CWF19L1: variants seen among roughly 807,000 people sequenced by gnomAD.
CWF19L1 encodes the protein CWF19-like protein 1.
CWF19L1 carries 60 observed loss-of-function variants against 69.7 expected under a neutral mutation model. The observed-to-expected ratio is 0.86, with a 90% CI of 0.70 to 1.07. CWF19L1 has a LOEUF of 1.07. CWF19L1 is among the 50% of genes least tolerant of loss of function. CWF19L1 has a pLI of 0.00. For missense variants in CWF19L1, 591 were observed against 638.9 expected (o/e 0.92, Z 0.81); for synonymous variants, 209 against 222.2 (o/e 0.94, Z 0.53).
At chr10:100,244,972 A>G (rs1476875397) in intron 9 of CWF19L1, among the ~76,000 whole-genome samples, 1 of 152,086 alleles carries the variant, frequency 6.6e-6, no homozygotes, top group East Asian at 1.9e-4. Flanking sequence ...AATTCTAGAT[A>G]AAAATTCATA....
chr10:100,241,811 T>TTA (rs779989236), intron 10 of CWF19L1, among the ~76,000 whole-genome samples: 1 of 152,168 alleles, frequency 6.6e-6, no homozygotes, highest in Non-Finnish European at 1.5e-5. Flanking sequence ...TGTGATAACA[T>TTA]TAATCCATTC....
At position 100,236,867 on chromosome 10, in the gene CWF19L1, G is replaced by A. The variant is rs765915115; in HGVS notation, c.1357C>T (p.His453Tyr). The change falls in exon 12 of 14, where the codon CAC (histidine) becomes TAC (tyrosine). Residue 453 changes from histidine (H) to tyrosine (Y), a missense_variant. Physicochemically the swap from His to Tyr is moderately conservative, Grantham distance 83. Transcript: ENST00000354105. Reference sequence around the variant, plus strand: ...TGTTTCACCTGCTTGATGTCAGAGTGCTCTGGGATTTCCAACAGCTCTATC... The same window carrying A: ...TGTTTCACCTGCTTGATGTCAGAGTACTCTGGGATTTCCAACAGCTCTATC... The part of the protein sequence containing the change: ...QQIELLEIPE[H>Y]SDIKQIAQPG... 1 of 1,606,064 alleles carries A rather than the reference G, an allele frequency of 6.2e-7. No homozygotes were observed. Among genetic ancestry groups the A allele is most frequent in the South Asian group, 1.1e-5 (1 of 89,904 alleles).
chr10:100,256,063 T>C (rs992030474), intron 5 of CWF19L1, among the ~76,000 whole-genome samples, 199 bp downstream of exon 5: 1 of 152,224 alleles, frequency 6.6e-6, no homozygotes, highest in Non-Finnish European at 1.5e-5. Flanking sequence ...GTCTCATCTA[T>C]GAATCACACT....
At chr10:100,264,887 G>A (rs1217067019) in intron 1 of CWF19L1, among the ~76,000 whole-genome samples, 1 of 152,096 alleles carries the variant, frequency 6.6e-6, no homozygotes, top group Non-Finnish European at 1.5e-5. Flanking sequence ...TTGGGAGGCT[G>A]AGGCAGGAGG....
In CWF19L1 at chr10:100,245,782, G is replaced by A. The variant is rs1846797567; in HGVS notation, c.964+17C>T. The A allele has an allele frequency of 6.3e-7, 1 of 1,579,238 alleles. No homozygotes were observed. Among genetic ancestry groups the A allele is most frequent in the Non-Finnish European group, 8.7e-7 (1 of 1,148,682 alleles). On this transcript the variant is annotated intron_variant, in intron 9 of 13. Coordinates refer to ENST00000354105, the MANE Select transcript of CWF19L1 (RefSeq NM_018294.6). ...GTTACTGTTCATAGAAGAAACCTCTGGAATAAAGGTACTTACGAGGTTTGC... is the reference window on the plus strand; with the variant it reads ...GTTACTGTTCATAGAAGAAACCTCTAGAATAAAGGTACTTACGAGGTTTGC...
intron 11 of CWF19L1, among the ~76,000 whole-genome samples, chr10:100,237,647 T>A (rs1013885088): frequency 5.3e-5 from 8 of 152,038 alleles, no homozygotes; most frequent in Non-Finnish European, 7.4e-5. Flanking sequence ...AGCTAAACTT[T>A]ATATAATTTT....
intron 1 of CWF19L1, chr10:100,262,299 TCTC>T (rs1283388370): frequency 2.0e-6 from 2 of 985,298 alleles, no homozygotes; most frequent in African/African-American, 3.5e-5. Flanking sequence ...GCCAGCTTCT[TCTC>T]CTCATTCCTA....
rs753364362 is a variant in CWF19L1 at position 100,237,343 on chromosome 10, A to G, written c.1255-374T>C. 1.1e-5 allele frequency: 5 copies of G among 458,912 alleles called. No individual in the cohort carries two copies. In the Admixed American group the frequency reaches 1.2e-4, roughly 11 times the overall value. The allele number at this position is 458,912 out of a possible 1,614,324, so 28.4% of individuals were successfully genotyped here. ...TCTGATTTTCTGAGCTGCTAGCCCC[A>G]TGCAGGCTTTGAGACTATTTCCTAC... is the stretch of plus-strand genomic sequence containing the variant. On this transcript the variant is annotated intron_variant, in intron 11 of 13. Coordinates refer to ENST00000354105, the MANE Select transcript of CWF19L1 (RefSeq NM_018294.6).
chr10:100,238,835 G>A (rs764520410), intron 10 of CWF19L1, among the ~76,000 whole-genome samples: 54 of 150,556 alleles, frequency 3.6e-4, no homozygotes, highest in South Asian at 6.3e-4. Context: ...GGGAGGCTGA[G>A]ACAGGAGAAT....
Position 100,237,873 on chromosome 10 carries a change from T to C in CWF19L1, c.1254+149A>G, listed in dbSNP as rs1249324137. The C allele has an allele frequency of 1.7e-5, 11 of 654,924 alleles. 1 individual carries two copies. The highest frequency in any genetic ancestry group is 3.6e-5 in the African/African-American group (2 of 55,008). The allele number at this position is 654,924 out of a possible 1,614,324, so 40.6% of individuals were successfully genotyped here. On this transcript the variant is annotated intron_variant, in intron 11 of 13. Coordinates refer to ENST00000354105, the MANE Select transcript of CWF19L1 (RefSeq NM_018294.6). ...CGTGTTGCCCAGGCTGGTCTTGAAC[T>C]CCTGAGCTCAGGCAATCCAACCGCT...
At chr10:100,254,864 T>C (rs562193836) in intron 5 of CWF19L1, among the ~76,000 whole-genome samples, 2 of 152,322 alleles carry the variant, frequency 1.3e-5, no homozygotes, top group South Asian at 4.1e-4. Flanking sequence ...ACCAGCTCTA[T>C]GCCTTGTATT....
intron 11 of CWF19L1, 113 bp from the exon 12 acceptor site, chr10:100,237,082 C>T (rs1464847105): frequency 7.9e-7 from 1 of 1,258,548 alleles, no homozygotes; most frequent in African/African-American, 1.5e-5. Flanking sequence ...CACCCCTCAG[C>T]ACAGAATATC....
At chr10:100,261,898 C>G (rs1287193268) in intron 2 of CWF19L1, 81 bp downstream of exon 2, 9 of 1,222,500 alleles carry the variant, frequency 7.4e-6, no homozygotes, top group African/African-American at 1.5e-5. Flanking sequence ...TGTGTTCAAT[C>G]AAGACTTAAA....
Position 100,243,755 on chromosome 10 carries a change from C to T in CWF19L1, c.987G>A (p.Trp329Ter). ...CCACTTCAGGGCTAGCAAGGCAAAA[C>T]CAGCAGGGTCCTGGAGGCTGAGCTT... ...RKPPQPPGPC[W>*]FCLASPEVEK... is the part of the protein sequence containing the mutation. The change falls in exon 10 of 14, where the codon TGG (tryptophan) becomes TGA (stop). Residue 329 changes from tryptophan (W) to a stop codon, truncating the protein, a stop_gained. Coordinates refer to ENST00000354105, the MANE Select transcript of CWF19L1 (RefSeq NM_018294.6). LOFTEE classifies it high-confidence loss of function. 1.2e-6 allele frequency: 2 copies of T among 1,614,148 alleles called. No individual in the cohort carries two copies. Among genetic ancestry groups the T allele is most frequent in the Non-Finnish European group, 1.7e-6 (2 of 1,179,982 alleles).
chr10:100,239,117 A>T lies in CWF19L1; in HGVS notation c.1045-886T>A, dbSNP rs1589612310. On this transcript the variant is annotated intron_variant, in intron 10 of 13. Transcript: ENST00000354105. ...AAAACAAAAGCAAACATACAACCTA[A>T]TGGGGTAGAAGGAAAGTAAAACCTC... Among the ~76,000 whole-genome samples, 3 of 152,138 alleles carry T rather than the reference A, an allele frequency of 2.0e-5. No homozygotes were observed. In the East Asian group the frequency reaches 5.8e-4, roughly 29 times the overall value.
chr10:100,236,856 G>A lies in CWF19L1; in HGVS notation c.1368C>T (p.Ile456=). ...TCACCATCCCCTGTTTCACCTGCTT[G>A]ATGTCAGAGTGCTCTGGGATTTCCA... ...ELLEIPEHSD[I]KQIAQPGAAY... Residue 456 remains isoleucine (I), a synonymous_variant, in exon 12 of 14, where the codon ATC becomes ATT. Coordinates refer to ENST00000354105, the MANE Select transcript of CWF19L1 (RefSeq NM_018294.6). The A allele has an allele frequency of 6.3e-7, 1 of 1,593,780 alleles. No individual in the cohort carries two copies. The highest frequency in any genetic ancestry group is 2.2e-5 in the East Asian group (1 of 44,752).
chr10:100,267,539 A>G (rs1847642084), intron 1 of CWF19L1, 32 bp downstream of exon 1: 1 of 1,614,062 alleles, frequency 6.2e-7, no homozygotes, highest in Admixed American at 1.7e-5. Context: ...AAAGAGACAC[A>G]GGGAGAGAGG....
chr10:100,233,281 CA>C lies in CWF19L1; in HGVS notation c.1562del (p.Leu521ArgfsTer32). The C allele has an allele frequency of 6.2e-7, 1 of 1,613,954 alleles. No homozygotes were observed. Among genetic ancestry groups the C allele is most frequent in the Non-Finnish European group, 8.5e-7 (1 of 1,179,952 alleles). On this transcript the variant is annotated frameshift_variant, in exon 14 of 14. Coordinates refer to ENST00000354105, the MANE Select transcript of CWF19L1 (RefSeq NM_018294.6). LOFTEE classifies it high-confidence loss of function. ...CAAAGTCTTTCCGGAAGCGGCGAGC[CA>C]GGGTCTCCTCGTCTTCCTTGCTGAT... is the stretch of plus-strand genomic sequence containing the variant. ...CQISKEDEETLARRFRKDFEP... is the reference protein window; with the variant it reads ...CQISKEDEETXARRFRKDFEP...
At chr10:100,235,447 T>C (rs1846401705) in intron 13 of CWF19L1, among the ~76,000 whole-genome samples, 1 of 152,216 alleles carries the variant, frequency 6.6e-6, no homozygotes, top group African/African-American at 2.4e-5. Flanking sequence ...CTGTCCCTTT[T>C]CTGAATTTCT....
Sources: allele counts gnomAD v4.1 joint callset (sites outside exome capture counted in the v4.1 genomes callset), GRCh38; gene constraint gnomAD v4.1.1; transcripts MANE v1.5; gene names NCBI Gene and HGNC (gene_info 2026-07-23, HGNC 2026-07-21).